Variants in MCF2L2 observed in about 807,000 individuals in gnomAD.
The protein encoded by MCF2L2 is probable guanine nucleotide exchange factor MCF2L2.
In MCF2L2, 102 loss-of-function variants were observed where a neutral mutation model predicts 150.2. The observed-to-expected ratio is 0.68, with a 90% confidence interval of 0.58 to 0.80. MCF2L2 has a LOEUF of 0.80. Among genes scored for constraint, MCF2L2 ranks in the 30% least tolerant of loss-of-function variants. MCF2L2 has a pLI of 0.00. For missense variants in MCF2L2, 1,256 were observed against 1,372.8 expected (o/e 0.91, Z 1.34); for synonymous variants, 465 against 491.3 (o/e 0.95, Z 0.71).
intron 5 of MCF2L2, among the ~76,000 whole-genome samples, chr3:183,325,186 G>A (rs541862504): frequency 3.3e-5 from 5 of 151,428 alleles, no homozygotes; most frequent in Admixed American, 2.0e-4. Flanking sequence ...GTTAATGGGT[G>A]CAGCACACCA....
chr3:183,370,178 G>A (rs576812494), intron 3 of MCF2L2, among the ~76,000 whole-genome samples: 3 of 152,332 alleles, frequency 2.0e-5, no homozygotes, highest in Non-Finnish European at 2.9e-5. Flanking sequence ...TCCTCAGACC[G>A]GATTGAGAAC....
Position 183,309,749 on chromosome 3 carries a change from A to C in MCF2L2, c.1080T>G (p.Leu360=). The C allele has an allele frequency of 6.2e-7, 1 of 1,613,966 alleles. No homozygotes were observed. The highest frequency in any genetic ancestry group is 8.5e-7 in the Non-Finnish European group (1 of 1,180,008). The change falls in exon 10 of 30, where the codon CTT becomes CTG. Residue 360 remains leucine (L), a synonymous_variant. Coordinates refer to ENST00000328913, the MANE Select transcript of MCF2L2 (RefSeq NM_015078.4). ...TTTCCTCCAGTTTTTTGTGTTCCTT[A>C]AGAATCTGCTCCACGTGCATCACGC... The part of the protein sequence containing the change: ...GDSVMHVEQI[L]KEHKKLEEKS...
chr3:183,309,020 T>C (rs1214548519), intron 10 of MCF2L2, among the ~76,000 whole-genome samples: 1 of 152,240 alleles, frequency 6.6e-6, no homozygotes, highest in Non-Finnish European at 1.5e-5. Flanking sequence ...GCTTTCTTCA[T>C]TTGTAATAAA....
At chr3:183,412,993 TC>T (rs1357820830) in intron 1 of MCF2L2, among the ~76,000 whole-genome samples, 1 of 152,240 alleles carries the variant, frequency 6.6e-6, no homozygotes, top group Non-Finnish European at 1.5e-5. Flanking sequence ...ATGTGGGTTT[TC>T]CCCTTTGTTC....
At chr3:183,378,387 A>G (rs1258363618) in intron 3 of MCF2L2, 2 of 152,288 alleles carry the variant, frequency 1.3e-5, no homozygotes, top group African/African-American at 2.4e-5. Flanking sequence ...GTGGTGACCA[A>G]TGTGGACTCT....
chr3:183,208,095 G>A (rs1035996736), intron 22 of MCF2L2, among the ~76,000 whole-genome samples: 5 of 152,156 alleles, frequency 3.3e-5, no homozygotes, highest in Non-Finnish European at 7.4e-5. Flanking sequence ...CTAGAGATAC[G>A]GGGACTGTGA....
chr3:183,296,894 T>C, intron 12 of MCF2L2, 82 bp downstream of exon 12: 1 of 1,453,942 alleles, frequency 6.9e-7, no homozygotes. Context: ...ACCCTGTGTG[T>C]ACTTTATCAG....
chr3:183,399,430 C>G lies in MCF2L2; in HGVS notation c.77-9651G>C, dbSNP rs183506916. Among the ~76,000 whole-genome samples, 112 of 151,954 alleles carry G rather than the reference C, an allele frequency of 7.4e-4. 1 individual carries two copies. The highest frequency in any genetic ancestry group is 2.6e-3 in the African/African-American group (109 of 41,476). Reference sequence around the variant, plus strand: ...AAATGTATTATAAACATTTTCAAGGCAAAAAATAAAAATAAAAAAGGTGGG... The same window carrying G: ...AAATGTATTATAAACATTTTCAAGGGAAAAAATAAAAATAAAAAAGGTGGG... On this transcript the variant is annotated intron_variant, in intron 1 of 29. Transcript: ENST00000328913.
Position 183,323,275 on chromosome 3 carries a change from G to A in MCF2L2, c.563C>T (p.Thr188Ile). ...CCACTGACCGTGGCGATATTCCAAA[G>A]TCCCCCCTAATTCCCGGGTCAGTTG... ...KSQLTRELGG[T>I]LEYRHGQWVN... The change falls in exon 6 of 30, where the codon ACT becomes ATT. Residue 188 changes from threonine to isoleucine, a missense_variant. By Grantham distance (89) the Thr-to-Ile change is moderately conservative (BLOSUM62 -1). Coordinates refer to ENST00000328913, the MANE Select transcript of MCF2L2 (RefSeq NM_015078.4). 1 of 1,613,722 alleles carries A rather than the reference G, an allele frequency of 6.2e-7. No individual in the cohort carries two copies. Among genetic ancestry groups the A allele is most frequent in the Non-Finnish European group, 8.5e-7 (1 of 1,179,726 alleles).
At chr3:183,394,106 C>G (rs973881783) in intron 1 of MCF2L2, among the ~76,000 whole-genome samples, 4 of 152,188 alleles carry the variant, frequency 2.6e-5, no homozygotes, top group Non-Finnish European at 4.4e-5. Context: ...GTTTGGCAGA[C>G]CCTGTGACAT....
intron 3 of MCF2L2, chr3:183,372,843 TAG>T: frequency 6.6e-6 from 1 of 152,278 alleles, no homozygotes; most frequent in South Asian, 2.1e-4. Flanking sequence ...GGAAACTAAG[TAG>T]AGAAACACAG....
intron 15 of MCF2L2, among the ~76,000 whole-genome samples, chr3:183,256,268 T>C (rs1219135012): frequency 6.6e-6 from 1 of 152,228 alleles, no homozygotes; most frequent in African/African-American, 2.4e-5. Flanking sequence ...ACAAGAGCTC[T>C]GCCCTTTGAT....
intron 27 of MCF2L2, among the ~76,000 whole-genome samples, chr3:183,192,209 C>T (rs953142890): frequency 1.4e-4 from 21 of 151,010 alleles, no homozygotes; most frequent in South Asian, 4.2e-4. Context: ...GGCACCATCT[C>T]GCTCACTGCA....
intron 5 of MCF2L2, among the ~76,000 whole-genome samples, chr3:183,326,327 A>C (rs1359775002): frequency 6.6e-6 from 1 of 151,938 alleles, no homozygotes; most frequent in Non-Finnish European, 1.5e-5. Context: ...CCCCATCTCT[A>C]CTAAAAATAC....
intron 15 of MCF2L2, chr3:183,269,932 C>T (rs1266086005): frequency 6.2e-7 from 1 of 1,614,130 alleles, no homozygotes; most frequent in South Asian, 1.1e-5. Context: ...CATATGAAGT[C>T]ATATTCTTAC....
At chr3:183,291,431 G>A (rs1428028993) in intron 13 of MCF2L2, among the ~76,000 whole-genome samples, 2 of 152,236 alleles carry the variant, frequency 1.3e-5, no homozygotes, top group African/African-American at 4.8e-5. Context: ...TGTGAAGAAT[G>A]TAGATCATAT....
chr3:183,364,254 C>A (rs77899643), intron 3 of MCF2L2, among the ~76,000 whole-genome samples: 1 of 152,052 alleles, frequency 6.6e-6, no homozygotes, highest in African/African-American at 2.4e-5. Flanking sequence ...CAGGGGCTTA[C>A]GTCTGTAATC....
intron 5 of MCF2L2, among the ~76,000 whole-genome samples, chr3:183,331,259 G>C (rs1249730200): frequency 2.0e-5 from 3 of 152,158 alleles, no homozygotes; most frequent in Non-Finnish European, 4.4e-5. Flanking sequence ...TAAACGCTCT[G>C]TCCTAGACTT....
intron 3 of MCF2L2, among the ~76,000 whole-genome samples, chr3:183,346,394 T>A (rs942256227): frequency 6.6e-6 from 1 of 152,148 alleles, no homozygotes; most frequent in African/African-American, 2.4e-5. Flanking sequence ...ATAAAGTAGG[T>A]ATTGATGGAA....
Sources: gnomAD v4.1 joint callset for allele counts (sites outside exome capture counted in the v4.1 genomes callset) on GRCh38, gnomAD v4.1.1 for gene constraint, MANE v1.5 for transcripts, NCBI Gene and HGNC (gene_info 2026-07-23, HGNC 2026-07-21) for gene names.